NFKB1: variants seen among roughly 807,000 people sequenced by gnomAD.
The protein encoded by NFKB1 is nuclear factor NF-kappa-B p105 subunit.
In NFKB1, 9 loss-of-function variants were observed where a neutral mutation model predicts 105.1. The observed-to-expected ratio is 0.09, with a 90% CI of 0.05 to 0.15. The LOEUF (loss-of-function observed/expected upper bound fraction) is 0.15. Among genes scored for constraint, NFKB1 ranks in the 10% least tolerant of loss-of-function variants. The pLI, the probability that NFKB1 is intolerant of heterozygous loss-of-function variation, is 1.00. For synonymous variants in NFKB1, 440 were observed against 442.2 expected (o/e 1.00, Z 0.06); for missense variants, 830 against 1,203.7 (o/e 0.69, Z 4.59).
intron 1 of NFKB1, among the ~76,000 whole-genome samples, chr4:102,515,312 G>A (rs963987665): frequency 5.3e-5 from 8 of 150,386 alleles, no homozygotes; most frequent in South Asian, 2.1e-4. Context: ...GGGTTTCACC[G>A]TTTTAGCCGG....
chr4:102,508,187 A>G (rs967132662), intron 1 of NFKB1, among the ~76,000 whole-genome samples: 2 of 152,210 alleles, frequency 1.3e-5, no homozygotes, highest in African/African-American at 4.8e-5. Flanking sequence ...GACTGTTAAG[A>G]CTTGATCTAT....
intron 1 of NFKB1, among the ~76,000 whole-genome samples, chr4:102,511,857 G>A (rs1010851364): frequency 2.0e-5 from 3 of 152,174 alleles, no homozygotes; most frequent in African/African-American, 7.2e-5. Context: ...CACTGCAAAA[G>A]CATCCTATCT....
At chr4:102,551,366 G>GTGTA (rs1553931275) in intron 5 of NFKB1, among the ~76,000 whole-genome samples, 2 of 43,284 alleles carry the variant, frequency 4.6e-5, no homozygotes, top group African/African-American at 8.9e-5. Flanking sequence ...GTGTGTGTGT[G>GTGTA]TGCGCGCGCG....
chr4:102,609,607 A>G (rs771716061), intron 19 of NFKB1, among the ~76,000 whole-genome samples: 70 of 109,750 alleles, frequency 6.4e-4, no homozygotes, highest in Admixed American at 2.1e-3. Flanking sequence ...GCAAGACTCC[A>G]TCTCAAAAAA....
intron 4 of NFKB1, among the ~76,000 whole-genome samples, chr4:102,535,926 C>A (rs1157924701): frequency 6.9e-6 from 1 of 145,140 alleles, no homozygotes; most frequent in East Asian, 2.0e-4. Flanking sequence ...GAAAAAGATT[C>A]TTTTTTCTTT....
At chr4:102,549,454 ATATT>A (rs1722404324) in intron 5 of NFKB1, among the ~76,000 whole-genome samples, 1 of 149,136 alleles carries the variant, frequency 6.7e-6, no homozygotes, top group African/African-American at 2.4e-5. Flanking sequence ...CATATAATAT[ATATT>A]CTGTTTATAT....
intron 6 of NFKB1, among the ~76,000 whole-genome samples, chr4:102,574,634 T>G (rs1434277194): frequency 3.3e-5 from 5 of 152,188 alleles, no homozygotes; most frequent in Non-Finnish European, 5.9e-5. Context: ...CTTTAGGCAT[T>G]AAGCCAGAGT....
At chr4:102,583,859 T>A (rs1208805476) in intron 10 of NFKB1, among the ~76,000 whole-genome samples, 1 of 151,950 alleles carries the variant, frequency 6.6e-6, no homozygotes, top group African/African-American at 2.4e-5. Flanking sequence ...AATTATGGTC[T>A]GTCCTTTTGA....
chr4:102,536,889 A>G (rs1356166799), intron 4 of NFKB1, among the ~76,000 whole-genome samples: 1 of 152,242 alleles, frequency 6.6e-6, no homozygotes, highest in Non-Finnish European at 1.5e-5. Flanking sequence ...GTTATAAACT[A>G]CTAACACTAC....
At chr4:102,595,177 T>G (rs1262575021) in intron 13 of NFKB1, among the ~76,000 whole-genome samples, 196 bp downstream of exon 13, 2 of 152,310 alleles carry the variant, frequency 1.3e-5, no homozygotes, top group East Asian at 3.9e-4. Context: ...CTTTTATATA[T>G]TTTATATATT....
At chr4:102,539,094 G>C (rs566170416) in intron 5 of NFKB1, among the ~76,000 whole-genome samples, 1 of 151,958 alleles carries the variant, frequency 6.6e-6, no homozygotes, top group Non-Finnish European at 1.5e-5. Context: ...AAAATTAGCT[G>C]GGTGTGGTGG....
chr4:102,536,127 G>A lies in NFKB1; in HGVS notation c.160-1731G>A, dbSNP rs1430604030. On this transcript the variant is annotated intron_variant, in intron 4 of 23. Coordinates refer to ENST00000226574, the MANE Select transcript of NFKB1 (RefSeq NM_003998.4). ...ATTCTTATGGTTAGCTAATTCTGCAGGCTATTATACATGTGTTGTTTTTTT... is the reference window on the plus strand; with the variant it reads ...ATTCTTATGGTTAGCTAATTCTGCAAGCTATTATACATGTGTTGTTTTTTT... 3.3e-5 allele frequency among the ~76,000 whole-genome samples: 5 copies of A among 152,034 alleles called. No homozygotes were observed. In the East Asian group the frequency reaches 9.7e-4, roughly 29 times the overall value.
At chr4:102,528,638 C>T (rs1741082929) in intron 2 of NFKB1, among the ~76,000 whole-genome samples, 1 of 152,140 alleles carries the variant, frequency 6.6e-6, no homozygotes. Flanking sequence ...ATGCTGTCCA[C>T]AGACATTTCA....
intron 5 of NFKB1, among the ~76,000 whole-genome samples, chr4:102,552,969 A>G (rs1722728212): frequency 6.6e-6 from 1 of 152,206 alleles, no homozygotes; most frequent in South Asian, 2.1e-4. Context: ...GAGTGTAAAA[A>G]GACCAGTAAA....
chr4:102,529,790 T>C, intron 2 of NFKB1, 46 bp from the exon 3 acceptor site: 1 of 1,411,640 alleles, frequency 7.1e-7, no homozygotes, highest in Non-Finnish European at 9.8e-7. Context: ...TTTCATATAA[T>C]ATAGGAAAAA....
intron 1 of NFKB1, among the ~76,000 whole-genome samples, chr4:102,522,715 C>T (rs1740649759): frequency 6.6e-6 from 1 of 152,062 alleles, no homozygotes; most frequent in Admixed American, 6.6e-5. Flanking sequence ...TTTTGAGGAC[C>T]ATAGGCTAAT....
At chr4:102,603,631 T>C (rs1727413579) in intron 16 of NFKB1, among the ~76,000 whole-genome samples, 1 of 152,256 alleles carries the variant, frequency 6.6e-6, no homozygotes, top group African/African-American at 2.4e-5. Flanking sequence ...GCAACTTTGA[T>C]TTGAGAATTA....
At chr4:102,529,695 C>A (rs556551181) in intron 2 of NFKB1, 141 bp from the exon 3 acceptor site, 2 of 651,656 alleles carry the variant, frequency 3.1e-6, no homozygotes, top group East Asian at 2.8e-5. Context: ...TCTTTTAAAA[C>A]CCTGATTTAA....
chr4:102,574,374 A>G (rs544725832), intron 6 of NFKB1, among the ~76,000 whole-genome samples: 37 of 152,330 alleles, frequency 2.4e-4, no homozygotes, highest in Middle Eastern at 6.8e-3. Context: ...TATGTGTTAC[A>G]GTAATTTTTC....
Sources: gnomAD v4.1 joint callset for allele counts (sites outside exome capture counted in the v4.1 genomes callset) on GRCh38, gnomAD v4.1.1 for gene constraint, MANE v1.5 for transcripts, NCBI Gene and HGNC (gene_info 2026-07-23, HGNC 2026-07-21) for gene names.